Variants in SEC24B observed in about 807,000 individuals in gnomAD.
SEC24B encodes the protein SEC24 homolog B, COPII component, also known as protein transport protein Sec24B.
SEC24B carries 45 observed loss-of-function variants against 142.8 expected under a neutral mutation model. The observed-to-expected ratio is 0.32, with a 90% confidence interval of 0.25 to 0.40. The LOEUF is 0.40. Among genes scored for constraint, SEC24B ranks in the 10% least tolerant of loss-of-function variants. The probability of loss-of-function intolerance (pLI) is 1.00; values close to 1 mark genes in which losing one functional copy is unlikely to be tolerated. For synonymous variants in SEC24B, 574 were observed against 568.2 expected (o/e 1.01, Z -0.15); for missense variants, 1,409 against 1,526.8 (o/e 0.92, Z 1.29).
Position 109,539,844 on chromosome 4 carries a change from G to T in SEC24B, c.*169G>T. On this transcript the variant is annotated 3_prime_UTR_variant, in exon 24 of 24. Coordinates refer to ENST00000265175, the MANE Select transcript of SEC24B (RefSeq NM_006323.5). The stretch of plus-strand genomic sequence containing the variant: ...GTAAAGGGGAAGAAAGAACTTGACA[G>T]ATCTTTTTCAACTCAAATTAATGGT... 1 of 576,434 alleles carries T rather than the reference G, an allele frequency of 1.7e-6. No homozygotes were observed. The highest frequency in any genetic ancestry group is 2.9e-5 in the East Asian group (1 of 34,454). The allele number at this position is 576,434 out of a possible 1,614,324, so 35.7% of individuals were successfully genotyped here.
chr4:109,503,008 T>G (rs1260258292), intron 6 of SEC24B, among the ~76,000 whole-genome samples: 1 of 152,040 alleles, frequency 6.6e-6, no homozygotes, highest in Non-Finnish European at 1.5e-5. Flanking sequence ...TTTTTATTTT[T>G]TACCTTGGAG....
chr4:109,515,885 A>G (rs1197425938), intron 10 of SEC24B, among the ~76,000 whole-genome samples: 1 of 131,964 alleles, frequency 7.6e-6, no homozygotes, highest in East Asian at 2.8e-4. Context: ...CCCCATCTCT[A>G]CCAAATACAA....
At chr4:109,520,906 C>T (rs950994236) in intron 12 of SEC24B, among the ~76,000 whole-genome samples, 2 of 152,060 alleles carry the variant, frequency 1.3e-5, no homozygotes, top group East Asian at 1.9e-4. Context: ...GCAGGAGAAT[C>T]GCTTGAACCC....
chr4:109,526,238 A>G lies in SEC24B; in HGVS notation c.2804A>G (p.His935Arg), dbSNP rs1451424384. 24 of 1,613,772 alleles carry G rather than the reference A, an allele frequency of 1.5e-5. No individual in the cohort carries two copies. The highest frequency in any genetic ancestry group is 2.0e-5 in the Non-Finnish European group (24 of 1,179,886). The stretch of plus-strand genomic sequence containing the variant: ...TTCTCCTTTTTAGGTCTTTCAATGC[A>G]CACTTTTCACGGTAACTTCTTTGTC... Reference protein sequence around the residue: ...RIRCTKGLSMHTFHGNFFVRS... With the variant: ...RIRCTKGLSMRTFHGNFFVRS... The change falls in exon 17 of 24, where the codon CAC becomes CGC. Residue 935 changes from histidine (H) to arginine (R), a missense_variant. Physicochemically the swap from His to Arg is conservative, Grantham distance 29. This residue lies in a region of SEC24B where 700 missense variants were observed against 853.3 expected (regional missense o/e 0.82). Transcript: ENST00000265175.
Position 109,463,503 on chromosome 4 carries a change from C to G in SEC24B, c.736C>G (p.Gln246Glu), listed in dbSNP as rs1052484373. The stretch of plus-strand genomic sequence containing the variant: ...ATCGCCACTTCCACCTCTACCATCA[C>G]AACAGCACCACCAGCAGCAAAGTCT... Reference protein sequence around the residue: ...HPSPLPPLPSQQHHQQQSLSG... With the variant: ...HPSPLPPLPSEQHHQQQSLSG... The change falls in exon 2 of 24, where the codon CAA (glutamine) becomes GAA (glutamate). Residue 246 changes from glutamine to glutamate, a missense_variant. Physicochemically the swap from Gln to Glu is conservative, Grantham distance 29. Transcript: ENST00000265175. 5 of 1,614,040 alleles carry G rather than the reference C, an allele frequency of 3.1e-6. No homozygotes were observed. The highest frequency in any genetic ancestry group is 4.2e-6 in the Non-Finnish European group (5 of 1,180,024).
chr4:109,526,508 G>A, intron 17 of SEC24B, 109 bp downstream of exon 17: 1 of 716,772 alleles, frequency 1.4e-6, no homozygotes, highest in South Asian at 2.6e-5. Flanking sequence ...GGAAGTAATG[G>A]AATTTGTATT....
intron 22 of SEC24B, among the ~76,000 whole-genome samples, chr4:109,534,096 G>A (rs1238547658): frequency 6.7e-6 from 1 of 150,082 alleles, no homozygotes; most frequent in African/African-American, 2.5e-5. Context: ...AGATTGTAGT[G>A]CAGTGGCTCA....
Position 109,463,192 on chromosome 4 carries a change from C to G in SEC24B, c.425C>G (p.Ser142Cys). Residue 142 changes from serine (S) to cysteine (C), a missense_variant, in exon 2 of 24, where the codon TCC (serine) becomes TGC (cysteine). Transcript: ENST00000265175. ...TTCCAAGGTGCTGCATCGTCAGCAT[C>G]CCATTTGCATACGAGTGCCTCCCAA... ...GSFQGAASSA[S>C]HLHTSASQPY... 1 of 1,614,164 alleles carries G rather than the reference C, an allele frequency of 6.2e-7. No individual in the cohort carries two copies. The highest frequency in any genetic ancestry group is 1.1e-5 in the South Asian group (1 of 91,088).
intron 4 of SEC24B, 44 bp from the exon 5 acceptor site, chr4:109,491,283 C>CT: frequency 6.8e-7 from 1 of 1,475,760 alleles, no homozygotes; most frequent in Non-Finnish European, 9.4e-7. Context: ...CTTTAAGATA[C>CT]TTTGTCATTT....
chr4:109,537,281 T>C (rs1725663481), intron 22 of SEC24B, among the ~76,000 whole-genome samples: 2 of 152,204 alleles, frequency 1.3e-5, no homozygotes, highest in Non-Finnish European at 1.5e-5. Context: ...GTGGACACTG[T>C]TGAGCATTAT....
intron 1 of SEC24B, among the ~76,000 whole-genome samples, chr4:109,449,915 A>G (rs530436578): frequency 2.6e-5 from 4 of 152,236 alleles, no homozygotes; most frequent in Admixed American, 2.0e-4. Context: ...ACTCCAGCCT[A>G]CTTTGAAAAG....
chr4:109,462,733 G>C (rs1382286278), intron 1 of SEC24B, among the ~76,000 whole-genome samples, 168 bp from the exon 2 acceptor site: 2 of 152,168 alleles, frequency 1.3e-5, no homozygotes, highest in South Asian at 2.1e-4. Flanking sequence ...GGGATCATTG[G>C]GGGCCATGTT....
At chr4:109,515,411 T>C (rs961952388) in intron 10 of SEC24B, among the ~76,000 whole-genome samples, 1 of 152,222 alleles carries the variant, frequency 6.6e-6, no homozygotes, top group East Asian at 1.9e-4. Context: ...CCAGTTAGCA[T>C]ATTTTTAAGA....
intron 13 of SEC24B, 105 bp from the exon 14 acceptor site, chr4:109,521,315 C>G: frequency 9.2e-7 from 1 of 1,081,678 alleles, no homozygotes; most frequent in Non-Finnish European, 1.4e-6. Flanking sequence ...CCTCAGTTTC[C>G]AGTCCCCAGA....
rs529985009 is a variant in SEC24B, at chr4:109,476,904, G to A, written c.1060+3718G>A. 2.8e-4 allele frequency among the ~76,000 whole-genome samples: 43 copies of A among 152,036 alleles called. 1 individual carries two copies. Among genetic ancestry groups the A allele is most frequent in the Admixed American group, 2.0e-3 (31 of 15,272 alleles). On this transcript the variant is annotated intron_variant, in intron 3 of 23. Transcript: ENST00000265175. ...TGTAATCCCAGCACTTTGGGAGGCC[G>A]AGGCGGGCGGATCACGAGGTCAGGA...
Position 109,533,608 on chromosome 4 carries a change from G to A in SEC24B, c.3511G>A (p.Val1171Ile). Residue 1171 changes from valine to isoleucine, a missense_variant, in exon 22 of 24, where the codon GTT becomes ATT. This residue lies in a region of SEC24B where 700 missense variants were observed against 853.3 expected (regional missense o/e 0.82). Coordinates refer to ENST00000265175, the MANE Select transcript of SEC24B (RefSeq NM_006323.5). ...MDCGSVFYIWVGKGCDNNFIE... is the reference protein window; with the variant it reads ...MDCGSVFYIWIGKGCDNNFIE... ...TTCTTTTTAGGTTTTTTACATTTGG[G>A]TTGGGAAAGGCTGTGACAATAACTT... 1.2e-6 allele frequency: 2 copies of A among 1,609,544 alleles called. No homozygotes were observed. The highest frequency in any genetic ancestry group is 1.7e-6 in the Non-Finnish European group (2 of 1,177,574).
intron 4 of SEC24B, among the ~76,000 whole-genome samples, chr4:109,489,859 C>G (rs974355082): frequency 2.0e-5 from 3 of 151,632 alleles, no homozygotes; most frequent in African/African-American, 7.3e-5. Context: ...TATTTGGAGA[C>G]TTTTGACCTG....
intron 4 of SEC24B, among the ~76,000 whole-genome samples, chr4:109,483,056 T>TA (rs1733970006): frequency 1.0e-5 from 1 of 97,936 alleles, no homozygotes; most frequent in African/African-American, 9.0e-5. Context: ...ATTTATGTAT[T>TA]TATATATATA....
intron 1 of SEC24B, among the ~76,000 whole-genome samples, chr4:109,462,015 G>A (rs1272293175): frequency 6.6e-6 from 1 of 152,042 alleles, no homozygotes; most frequent in Non-Finnish European, 1.5e-5. Flanking sequence ...CACAGTGAGA[G>A]CCTGTCTCTG....
Sources: allele counts gnomAD v4.1 joint callset (sites outside exome capture counted in the v4.1 genomes callset), GRCh38; gene constraint gnomAD v4.1.1; regional missense constraint gnomAD v4.1.1; transcripts MANE v1.5; gene names NCBI Gene and HGNC (gene_info 2026-07-23, HGNC 2026-07-21).